The following TNK2 variants were observed in gnomAD, a reference collection of about 807,000 sequenced individuals.
The protein encoded by TNK2 is tyrosine kinase non receptor 2, also known as activated CDC42 kinase 1.
Under a neutral mutation model 101.8 loss-of-function variants are expected in TNK2, and 83 were observed. That is an observed-to-expected ratio of 0.82 (90% CI 0.68 to 0.98). The LOEUF (loss-of-function observed/expected upper bound fraction) is 0.98, where lower values mean the gene tolerates loss of function less well. TNK2 is among the 50% of genes least tolerant of loss of function. The probability of loss-of-function intolerance (pLI) is 0.00; values close to 1 mark genes in which losing one functional copy is unlikely to be tolerated. For synonymous variants in TNK2, 804 were observed against 633.0 expected (o/e 1.27, Z -4.06); for missense variants, 1,665 against 1,483.2 (o/e 1.12, Z -2.01).
At chr3:195,875,682 C>T (rs1180046589) in intron 9 of TNK2, among the ~76,000 whole-genome samples, 2 of 152,150 alleles carry the variant, frequency 1.3e-5, no homozygotes, top group Admixed American at 6.5e-5. Context: ...ATGAACAGGC[C>T]GGAGTCCCCG....
chr3:195,892,646 G>A, intron 1 of TNK2: 1 of 1,424,290 alleles, frequency 7.0e-7, no homozygotes, highest in Non-Finnish European at 9.2e-7. Flanking sequence ...AGCCCCGCTG[G>A]GTTTCCACAG....
At chr3:195,873,730 A>C (rs2149359779) in intron 9 of TNK2, among the ~76,000 whole-genome samples, 1 of 152,256 alleles carries the variant, frequency 6.6e-6, no homozygotes, top group South Asian at 2.1e-4. Context: ...ACAGCCTTGT[A>C]AGGTGACGAG....
intron 9 of TNK2, among the ~76,000 whole-genome samples, chr3:195,877,206 C>G (rs775714706): frequency 6.6e-6 from 1 of 152,192 alleles, no homozygotes; most frequent in African/African-American, 2.4e-5. Flanking sequence ...CTAGAACCTT[C>G]TGCATTCTTC....
At chr3:195,874,291 A>G (rs1474415699) in intron 9 of TNK2, among the ~76,000 whole-genome samples, 1 of 152,110 alleles carries the variant, frequency 6.6e-6, no homozygotes, top group Non-Finnish European at 1.5e-5. Flanking sequence ...TTCCGCCAAC[A>G]CTGCCCAGCT....
intron 1 of TNK2, among the ~76,000 whole-genome samples, chr3:195,905,021 G>C (rs1761585771): frequency 6.6e-6 from 1 of 152,128 alleles, no homozygotes; most frequent in Non-Finnish European, 1.5e-5. Flanking sequence ...AAAGAACCCA[G>C]AATAGCTAAA....
intron 15 of TNK2, among the ~76,000 whole-genome samples, chr3:195,865,570 C>T (rs1352035778): frequency 1.4e-5 from 2 of 146,554 alleles, no homozygotes; most frequent in Admixed American, 6.9e-5. Context: ...TAAGAACCAC[C>T]CGAGACAGTG....
chr3:195,901,137 G>A (rs553606663), intron 1 of TNK2, among the ~76,000 whole-genome samples: 3 of 152,288 alleles, frequency 2.0e-5, no homozygotes, highest in African/African-American at 7.2e-5. Flanking sequence ...AATGTCCGGT[G>A]CTTCAAGACA....
intron 9 of TNK2, 89 bp from the exon 10 acceptor site, chr3:195,872,559 G>T: frequency 2.9e-6 from 4 of 1,362,880 alleles, no homozygotes; most frequent in African/African-American, 1.5e-5. Flanking sequence ...CACTGTGGCA[G>T]AAGGGGGATG....
intron 9 of TNK2, chr3:195,876,474 G>A (rs1412131659): frequency 1.8e-5 from 8 of 456,690 alleles, no homozygotes; most frequent in African/African-American, 4.0e-5. Flanking sequence ...ACATGGAGAC[G>A]GAGGCAGCCA....
intron 2 of TNK2, among the ~76,000 whole-genome samples, chr3:195,887,624 G>A (rs983571926): frequency 6.6e-6 from 1 of 152,004 alleles, no homozygotes; most frequent in African/African-American, 2.4e-5. Flanking sequence ...GCCCTAATAC[G>A]TTTCTAATGT....
rs1457481251 is a variant in TNK2, at chr3:195,870,088, A to G, written c.1543+26T>C. 4 of 1,440,224 alleles carry G rather than the reference A, an allele frequency of 2.8e-6. No homozygotes were observed. The African/African-American group carries it at 4.3e-5, about 16-fold the overall frequency. The allele number at this position is 1,440,224 out of a possible 1,614,324, so 89.2% of individuals were successfully genotyped here. ...TTCCTGAGTAGCCGATGAGTTAGGG[A>G]CACCAGGGAGCAGAGGGGCTCTTAC... On this transcript the variant is annotated intron_variant, in intron 11 of 15. Transcript: ENST00000672887.
In TNK2 at chr3:195,869,503, T is replaced by C. The variant is rs1456749761; in HGVS notation, c.1582A>G (p.Thr528Ala). The C allele has an allele frequency of 6.5e-7, 1 of 1,549,796 alleles. No homozygotes were observed. The highest frequency in any genetic ancestry group is 2.4e-5 in the East Asian group (1 of 40,842). The change falls in exon 12 of 16, where the codon ACT becomes GCT. Residue 528 changes from threonine (T) to alanine (A), a missense_variant. By Grantham distance (58) the Thr-to-Ala change is moderately conservative (BLOSUM62 0). Transcript: ENST00000672887. ...CGGAAGCAGCCCCACTTACTCTGAG[T>C]GAAGAAGGCAGGCTGAGGTGGGCGA... ...PPRPPQPAFF[T>A]QKPTYDPVSE...
In TNK2 at chr3:195,882,393, C is replaced by A; in HGVS notation, c.610-65G>T. 1 of 1,595,640 alleles carries A rather than the reference C, an allele frequency of 6.3e-7. No individual in the cohort carries two copies. The highest frequency in any genetic ancestry group is 2.3e-5 in the East Asian group (1 of 44,062). On this transcript the variant is annotated intron_variant, in intron 5 of 15. Transcript: ENST00000672887. This position sits in a 1 kb window ranked among gnomAD's most constrained non-coding sequence, Gnocchi z 4.2. ...CCCTGCCCCTTCTCAGCAGCCCACG[C>A]TGGGCCCCCAGTCCCCTTCCTGAAG...
chr3:195,876,740 G>A (rs988732119), intron 9 of TNK2: 13 of 429,576 alleles, frequency 3.0e-5, no homozygotes, highest in Admixed American at 1.8e-4. Flanking sequence ...GGCCAACGGG[G>A]GCCTTCGACG....
At chr3:195,883,378 C>T in intron 4 of TNK2, 69 bp from the exon 5 acceptor site, 3 of 1,581,398 alleles carry the variant, frequency 1.9e-6, no homozygotes, top group African/African-American at 1.3e-5. Flanking sequence ...CAACCTGCTC[C>T]ACCCTCCAAC....
At chr3:195,891,603 G>A (rs1490964201) in intron 1 of TNK2, among the ~76,000 whole-genome samples, 1 of 152,088 alleles carries the variant, frequency 6.6e-6, no homozygotes, top group African/African-American at 2.4e-5. Flanking sequence ...CCTAGGCAGC[G>A]TCTCCTCTCC....
intron 1 of TNK2, chr3:195,895,322 G>C (rs1760137874): frequency 6.3e-7 from 1 of 1,578,426 alleles, no homozygotes; most frequent in Non-Finnish European, 8.6e-7. Context: ...CCCAGCGGCT[G>C]CGGTCAGGGA....
chr3:195,903,443 TTGG>T (rs1344889116), intron 1 of TNK2, among the ~76,000 whole-genome samples: 1 of 152,148 alleles, frequency 6.6e-6, no homozygotes, highest in Admixed American at 6.5e-5. Flanking sequence ...GAGGCTGGGC[TTGG>T]TGGCCCACCC....
intron 2 of TNK2, among the ~76,000 whole-genome samples, chr3:195,887,885 TACGCACGTGCATGCGTGTGTGC>T (rs1323396062): frequency 6.9e-6 from 1 of 145,270 alleles, no homozygotes; most frequent in Non-Finnish European, 1.5e-5. Context: ...AGCGCGTGCG[TACGCACGTGCATGCGTGTGTGC>T]ACGTGCATGC....
Sources: allele counts gnomAD v4.1 joint callset (sites outside exome capture counted in the v4.1 genomes callset), GRCh38; gene constraint gnomAD v4.1.1; non-coding constraint Gnocchi (gnomAD v3.1); transcripts MANE v1.5; gene names NCBI Gene and HGNC (gene_info 2026-07-23, HGNC 2026-07-21).